The following LRRK1 variants were observed in gnomAD, a reference collection of about 807,000 sequenced individuals.
LRRK1 encodes the protein leucine rich repeat kinase 1, also known as leucine-rich repeat serine/threonine-protein kinase 1.
A neutral mutation model predicts 209.1 loss-of-function variants in LRRK1; 113 were observed. The observed-to-expected ratio is 0.54, with a 90% CI of 0.46 to 0.63. LRRK1 has a LOEUF of 0.63. Among genes scored for constraint, LRRK1 ranks in the 30% least tolerant of loss-of-function variants. The pLI is 0.00. For missense variants in LRRK1, 2,284 were observed against 2,632.2 expected, an observed-to-expected ratio of 0.87 and a Z score of 2.89; for synonymous variants, 1,144 against 1,099.7, an observed-to-expected ratio of 1.04 and a Z score of -0.80.
Position 101,022,767 on chromosome 15 carries a change from G to A in LRRK1, c.2067+170G>A, listed in dbSNP as rs994318793. 2.6e-5 allele frequency among the ~76,000 whole-genome samples: 4 copies of A among 152,134 alleles called. No individual in the cohort carries two copies. Among genetic ancestry groups the A allele is most frequent in the African/African-American group, 4.8e-5 (2 of 41,410 alleles). On this transcript the variant is annotated intron_variant, in intron 15 of 33. Coordinates refer to ENST00000388948, the MANE Select transcript of LRRK1 (RefSeq NM_024652.6). This position sits in a 1 kb window ranked among gnomAD's most constrained non-coding sequence, Gnocchi z 4.0. ...CATACCAGCTTCTGCCAAGAGCAGC[G>A]AATCATTTCTTAATGTGACTTTGTG...
chr15:101,056,533 A>G (rs1446629735), intron 27 of LRRK1, among the ~76,000 whole-genome samples: 1 of 152,172 alleles, frequency 6.6e-6, no homozygotes, highest in Admixed American at 6.5e-5. Flanking sequence ...AGATGGATAA[A>G]TGTGCAGGAC....
intron 21 of LRRK1, among the ~76,000 whole-genome samples, chr15:101,048,255 T>G (rs2035199782): frequency 6.6e-6 from 1 of 152,182 alleles, no homozygotes; most frequent in Non-Finnish European, 1.5e-5. Flanking sequence ...GGAAAAAAAT[T>G]TTAAAGGAAA....
At chr15:101,014,824 T>C (rs964914949) in intron 11 of LRRK1, among the ~76,000 whole-genome samples, 1 of 152,260 alleles carries the variant, frequency 6.6e-6, no homozygotes, top group Non-Finnish European at 1.5e-5. Flanking sequence ...AGTCACATTC[T>C]GAGGAATTGG....
intron 20 of LRRK1, among the ~76,000 whole-genome samples, chr15:101,032,405 A>G (rs2034322005): frequency 1.3e-5 from 2 of 150,510 alleles, no homozygotes; most frequent in African/African-American, 4.9e-5. Context: ...CATGAGGTGT[A>G]TCTCCTAATG....
Position 100,988,794 on chromosome 15 carries a change from G to A in LRRK1, c.594G>A (p.Leu198=), listed in dbSNP as rs2032008738. The A allele has an allele frequency of 3.7e-6, 6 of 1,604,852 alleles. No homozygotes were observed. Among genetic ancestry groups the A allele is most frequent in the Non-Finnish European group, 4.3e-6 (5 of 1,173,134 alleles). The change falls in exon 5 of 34, where the codon CTG becomes CTA. Residue 198 remains leucine, a synonymous_variant. Transcript: ENST00000388948. ...TCCCTGTCATCGTGCGCTTGCCCCT[G>A]TATGCGGCCATCAAGTCAGGTGGGT... ...NEFPVIVRLP[L]YAAIKSGNED...
In LRRK1 at chr15:100,928,165, T is replaced by C. The variant is rs574062190; in HGVS notation, c.97+3436T>C. Among the ~76,000 whole-genome samples, 5 of 152,390 alleles carry C rather than the reference T, an allele frequency of 3.3e-5. 1 individual carries two copies. In the South Asian group the frequency reaches 1.0e-3, roughly 32 times the overall value. ...ATTGCAAGTTATTTTTAAATTATTG[T>C]TTATTTAAGTACTGATGATTTGTGT... On this transcript the variant is annotated intron_variant, in intron 2 of 33. Transcript: ENST00000388948.
chr15:100,995,592 A>G (rs192477996), intron 6 of LRRK1, among the ~76,000 whole-genome samples: 173 of 152,344 alleles, frequency 1.1e-3, no homozygotes, highest in Non-Finnish European at 2.1e-3. Flanking sequence ...CGTGGTGAAC[A>G]TCGGGTCAAT....
In LRRK1 at chr15:101,008,821, T is replaced by G; in HGVS notation, c.763-16T>G. The stretch of plus-strand genomic sequence containing the variant: ...CTCACCCTCCACATGTGCTTTTCCT[T>G]TCTTTCCACCACCAGGCTCTCCGTG... On this transcript the variant is annotated splice_polypyrimidine_tract_variant and intron_variant, in intron 6 of 33. Coordinates refer to ENST00000388948, the MANE Select transcript of LRRK1 (RefSeq NM_024652.6). The G allele has an allele frequency of 6.2e-7, 1 of 1,600,494 alleles. No homozygotes were observed. Among genetic ancestry groups the G allele is most frequent in the Non-Finnish European group, 8.6e-7 (1 of 1,167,578 alleles).
Position 100,989,002 on chromosome 15 carries a change from C to G in LRRK1, c.613+189C>G, listed in dbSNP as rs74613986. On this transcript the variant is annotated intron_variant, in intron 5 of 33. Transcript: ENST00000388948. ...TCCTCATTTCCTCCTTACTTGCCCC[C>G]GCAAGGGGATTTCAGTGACAGAGAC... is the stretch of plus-strand genomic sequence containing the variant. Among the ~76,000 whole-genome samples the G allele has an allele frequency of 9.8e-3, 1,487 of 152,356 alleles. 30 individuals are homozygous for G. Among genetic ancestry groups the G allele is most frequent in the African/African-American group, 0.034 (1,423 of 41,580 alleles).
intron 6 of LRRK1, among the ~76,000 whole-genome samples, chr15:101,000,964 G>A (rs903262818): frequency 7.2e-5 from 11 of 152,108 alleles, no homozygotes; most frequent in Admixed American, 1.3e-4. Context: ...CCAGGTAGAC[G>A]GCCAGTCAAG....
intron 12 of LRRK1, among the ~76,000 whole-genome samples, chr15:101,020,653 C>T (rs561263895): frequency 4.7e-4 from 72 of 152,302 alleles, no homozygotes; most frequent in African/African-American, 1.6e-3. Flanking sequence ...GGATTACAGG[C>T]GTGAGCCACC....
At chr15:100,935,831 C>G (rs1203711550) in intron 2 of LRRK1, among the ~76,000 whole-genome samples, 1 of 152,220 alleles carries the variant, frequency 6.6e-6, no homozygotes, top group African/African-American at 2.4e-5. Context: ...TTGCTTCACT[C>G]CCATGTCTGG....
intron 12 of LRRK1, 113 bp downstream of exon 12, chr15:101,015,515 G>A (rs1464886124): frequency 7.0e-6 from 5 of 714,382 alleles, no homozygotes; most frequent in Non-Finnish European, 1.2e-5. Context: ...TCAATGCCCT[G>A]TTGCAATGCC....
At chr15:100,954,069 C>A (rs2042707971) in intron 2 of LRRK1, among the ~76,000 whole-genome samples, 1 of 152,102 alleles carries the variant, frequency 6.6e-6, no homozygotes, top group Non-Finnish European at 1.5e-5. Flanking sequence ...GCACACACCA[C>A]CACGCCTGGC....
Position 101,051,817 on chromosome 15 carries a change from AGAG to A in LRRK1, c.3549_3551del (p.Glu1183del), listed in dbSNP as rs753271657. On this transcript the variant is annotated inframe_deletion, in exon 24 of 34. Transcript: ENST00000388948. ...AGCACACGGACCCCAGTGAGAAATCAGAGGATGTGCAGTACTTCGACATGGAAG... is the reference window on the plus strand; with the variant it reads ...AGCACACGGACCCCAGTGAGAAATCAGATGTGCAGTACTTCGACATGGAAG... 11 of 1,614,028 alleles carry A rather than the reference AGAG, an allele frequency of 6.8e-6. No homozygotes were observed. The highest frequency in any genetic ancestry group is 1.3e-5 in the African/African-American group (1 of 74,938).
chr15:101,031,811 T>C (rs924514936), intron 20 of LRRK1, among the ~76,000 whole-genome samples: 23 of 152,112 alleles, frequency 1.5e-4, no homozygotes, highest in African/African-American at 5.6e-4. Context: ...CTTGGCTCAT[T>C]ACAAGCTCTG....
In LRRK1 at chr15:100,962,296, A is replaced by G. The variant is rs1254709990; in HGVS notation, c.98-11508A>G. On this transcript the variant is annotated intron_variant, in intron 2 of 33. Transcript: ENST00000388948. The stretch of plus-strand genomic sequence containing the variant: ...TGTAATCCCAGCACTTTGGGAGGCC[A>G]AGGCGGGTGGATCACTTGAGGTCAG... 3.9e-5 allele frequency among the ~76,000 whole-genome samples: 6 copies of G among 152,212 alleles called. No individual in the cohort carries two copies. The South Asian group carries it at 8.3e-4, about 21-fold the overall frequency.
intron 2 of LRRK1, among the ~76,000 whole-genome samples, chr15:100,956,673 C>T (rs1457627730): frequency 1.3e-5 from 2 of 151,998 alleles, no homozygotes; most frequent in South Asian, 2.1e-4. Flanking sequence ...CCATCTTGAC[C>T]AGGCTGGTCT....
At chr15:100,941,288 G>GTGTCTGTGTCTCTGTGTGTGTCTGTGTC (rs1555458897) in intron 2 of LRRK1, among the ~76,000 whole-genome samples, 1 of 90,066 alleles carries the variant, frequency 1.1e-5, no homozygotes, top group Non-Finnish European at 2.2e-5. Flanking sequence ...CCGTGTGTGT[G>GTGTCTGTGTCTCTGTGTGTGTCTGTGTC]TCTGTGTGTG....
Sources: allele counts gnomAD v4.1 joint callset (sites outside exome capture counted in the v4.1 genomes callset), GRCh38; gene constraint gnomAD v4.1.1; non-coding constraint Gnocchi (gnomAD v3.1); transcripts MANE v1.5; gene names NCBI Gene and HGNC (gene_info 2026-07-23, HGNC 2026-07-21).